The following LEPROT variants were observed in gnomAD, a reference collection of about 807,000 sequenced individuals.
LEPROT encodes the protein leptin receptor overlapping transcript, also known as leptin receptor gene-related protein.
Under a neutral mutation model 15.4 loss-of-function variants are expected in LEPROT, and 3 were observed. That is an observed-to-expected ratio of 0.19 (90% CI 0.09 to 0.50). LEPROT has a LOEUF of 0.50. LEPROT is among the 20% of genes least tolerant of loss of function. LEPROT has a pLI of 0.97. For missense variants in LEPROT, 137 were observed against 162.2 expected (o/e 0.84, Z 0.84); for synonymous variants, 59 against 57.5 (o/e 1.03, Z -0.12).
At chr1:65,421,350 G>C (rs1324547048) in intron 1 of LEPROT, 6 of 1,535,842 alleles carry the variant, frequency 3.9e-6, no homozygotes, top group Non-Finnish European at 5.2e-6. Flanking sequence ...TGTGTGTGTA[G>C]TATGTGTTTT....
At chr1:65,421,819 CATG>C (rs2101666216) in intron 1 of LEPROT, among the ~76,000 whole-genome samples, 1 of 152,212 alleles carries the variant, frequency 6.6e-6, no homozygotes, top group East Asian at 1.9e-4. Context: ...ACTACCAAAT[CATG>C]ATCACGTTTA....
intron 3 of LEPROT, 52 bp downstream of exon 3, chr1:65,430,100 AG>A (rs769276113): frequency 6.9e-7 from 1 of 1,447,854 alleles, no homozygotes; most frequent in East Asian, 2.4e-5. Flanking sequence ...TTTACTTCAG[AG>A]GCCTGTGTCT....
intron 1 of LEPROT, chr1:65,421,523 T>A: frequency 6.5e-7 from 1 of 1,527,656 alleles, no homozygotes; most frequent in South Asian, 1.2e-5. Flanking sequence ...TATATTGGCT[T>A]TTATATCATC....
At position 65,432,378 on chromosome 1, in the gene LEPROT, C is replaced by A; in HGVS notation, c.*459C>A. The A allele has an allele frequency of 2.1e-6, 2 of 948,754 alleles. No individual in the cohort carries two copies. Among genetic ancestry groups the A allele is most frequent in the Non-Finnish European group, 2.5e-6 (2 of 796,388 alleles). The allele number at this position is 948,754 out of a possible 1,614,324, so 58.8% of individuals were successfully genotyped here. A position where few individuals can be genotyped will look rare whatever the true frequency, so the allele number is the denominator to read the frequency against. On this transcript the variant is annotated 3_prime_UTR_variant, in exon 4 of 4. Coordinates refer to ENST00000371065, the MANE Select transcript of LEPROT (RefSeq NM_017526.5). ...CCAAGAGCCTCAACATTTCCTAGAG[C>A]CTTATTAGAAATGCAGAATCTGAAG...
chr1:65,425,427 A>G, intron 2 of LEPROT, 49 bp downstream of exon 2: 3 of 1,514,860 alleles, frequency 2.0e-6, no homozygotes, highest in Non-Finnish European at 2.7e-6. Flanking sequence ...TGTCTTTGTC[A>G]CTATTAGTAT....
chr1:65,434,210 A>G lies in LEPROT; in HGVS notation c.*2291A>G. ...GAGAGCTATTCTGCAGTGCCTAAATATCATTTAAACAGTAAATATTAATAG... is the reference window on the plus strand; with the variant it reads ...GAGAGCTATTCTGCAGTGCCTAAATGTCATTTAAACAGTAAATATTAATAG... On this transcript the variant is annotated 3_prime_UTR_variant, in exon 4 of 4. Transcript: ENST00000371065. 20 of 981,872 alleles carry G rather than the reference A, an allele frequency of 2.0e-5. No homozygotes were observed. The highest frequency in any genetic ancestry group is 2.4e-5 in the Non-Finnish European group (20 of 826,710). The allele number at this position is 981,872 out of a possible 1,614,324, so 60.8% of individuals were successfully genotyped here. A position where few individuals can be genotyped will look rare whatever the true frequency, so the allele number is the denominator to read the frequency against.
chr1:65,429,905 C>T lies in LEPROT; in HGVS notation c.136C>T (p.Pro46Ser). 1 of 1,538,510 alleles carries T rather than the reference C, an allele frequency of 6.5e-7. No homozygotes were observed. Among genetic ancestry groups the T allele is most frequent in the Non-Finnish European group, 8.9e-7 (1 of 1,127,648 alleles). ...LFVLIFHAIS[P>S]IPHFIAKRVT... ...CGTCCTGATTTTCCACGCCATCTCC[C>T]CCATCCCCCATTTCATTGCCAAAAG... Residue 46 changes from proline to serine, a missense_variant, in exon 3 of 4, where the codon CCC (proline) becomes TCC (serine). Coordinates refer to ENST00000371065, the MANE Select transcript of LEPROT (RefSeq NM_017526.5).
chr1:65,422,513 A>C (rs916193026), intron 1 of LEPROT, among the ~76,000 whole-genome samples: 4 of 152,218 alleles, frequency 2.6e-5, no homozygotes, highest in Non-Finnish European at 5.9e-5. Flanking sequence ...GGTACTTTGT[A>C]ACGGCAGCCC....
chr1:65,423,870 T>C (rs1159566935), intron 1 of LEPROT, among the ~76,000 whole-genome samples: 1 of 152,242 alleles, frequency 6.6e-6, no homozygotes, highest in Non-Finnish European at 1.5e-5. Flanking sequence ...TTTCTACCTT[T>C]ATCAAAGAAC....
chr1:65,434,894 G>A lies in LEPROT; in HGVS notation c.*2975G>A, dbSNP rs2100248182. On this transcript the variant is annotated 3_prime_UTR_variant, in exon 4 of 4. Transcript: ENST00000371065. ...GATGTCATGTGGTGCTGAGAAGAAA[G>A]CAGATCACACTTCATCACAGAAAGA... The A allele has an allele frequency of 1.0e-6, 1 of 985,438 alleles. No homozygotes were observed. Among genetic ancestry groups the A allele is most frequent in the Non-Finnish European group, 1.2e-6 (1 of 829,916 alleles). 61.0% of individuals were successfully genotyped at this position (985,438 alleles called of 1,614,324 possible).
chr1:65,424,103 T>C (rs934268035), intron 1 of LEPROT, among the ~76,000 whole-genome samples: 1 of 152,190 alleles, frequency 6.6e-6, no homozygotes, highest in African/African-American at 2.4e-5. Context: ...TGTTTGTGAC[T>C]CAGAGCTCAA....
At chr1:65,426,321 G>A (rs189032459) in intron 2 of LEPROT, among the ~76,000 whole-genome samples, 51 of 144,622 alleles carry the variant, frequency 3.5e-4, no homozygotes, top group African/African-American at 1.1e-3. Flanking sequence ...CAAAAGAAGG[G>A]TTAGTCAAGA....
intron 3 of LEPROT, chr1:65,430,392 T>C (rs1280803132): frequency 5.9e-6 from 1 of 168,522 alleles, no homozygotes; most frequent in Non-Finnish European, 1.3e-5. Flanking sequence ...GATGAAGATA[T>C]TTCAAATTCT....
At position 65,433,497 on chromosome 1, in the gene LEPROT, A is replaced by G; in HGVS notation, c.*1578A>G. On this transcript the variant is annotated 3_prime_UTR_variant, in exon 4 of 4. Transcript: ENST00000371065. ...CAACCAATAGTCTTTAAGCATTGTT[A>G]AAGTATGAAACTGAAATACATTCAA... 1.0e-6 allele frequency: 1 copy of G among 985,470 alleles called. No homozygotes were observed. The highest frequency in any genetic ancestry group is 1.2e-6 in the Non-Finnish European group (1 of 829,924). The allele number at this position is 985,470 out of a possible 1,614,324, so 61.0% of individuals were successfully genotyped here.
intron 3 of LEPROT, among the ~76,000 whole-genome samples, chr1:65,431,163 C>G (rs1183095569): frequency 1.3e-5 from 2 of 152,098 alleles, no homozygotes; most frequent in Admixed American, 6.5e-5. Flanking sequence ...TTTTCTTGTG[C>G]TTTAGACCAG....
chr1:65,430,681 C>T (rs1038513612), intron 3 of LEPROT, among the ~76,000 whole-genome samples: 3 of 151,624 alleles, frequency 2.0e-5, no homozygotes, highest in Non-Finnish European at 3.0e-5. Context: ...ATCAGATAAG[C>T]GCAAGTCTTG....
chr1:65,435,059 G>T lies in LEPROT; in HGVS notation c.*3140G>T, dbSNP rs1306278007. On this transcript the variant is annotated 3_prime_UTR_variant, in exon 4 of 4. Transcript: ENST00000371065. ...TGATTCTCATTCACAGAGAATGGGA[G>T]AACGGAATGAAGAAAGATTCCAGCA... 1.0e-6 allele frequency: 1 copy of T among 985,336 alleles called. No homozygotes were observed. Among genetic ancestry groups the T allele is most frequent in the African/African-American group, 1.7e-5 (1 of 57,240 alleles). 61.0% of individuals were successfully genotyped at this position (985,336 alleles called of 1,614,324 possible).
chr1:65,421,226 A>G, intron 1 of LEPROT: 1 of 1,295,126 alleles, frequency 7.7e-7, no homozygotes. Context: ...GCGGGTGTCA[A>G]TGGAAAGCAC....
Position 65,434,261 on chromosome 1 carries a change from A to G in LEPROT, c.*2342A>G. On this transcript the variant is annotated 3_prime_UTR_variant, in exon 4 of 4. Transcript: ENST00000371065. Reference sequence around the variant, plus strand: ...GAAATATTGCTATATCTGAATATATAATACAAAAGTTTGATCATGGTGACA... The same window carrying G: ...GAAATATTGCTATATCTGAATATATGATACAAAAGTTTGATCATGGTGACA... 1 of 981,790 alleles carries G rather than the reference A, an allele frequency of 1.0e-6. No homozygotes were observed. The highest frequency in any genetic ancestry group is 1.2e-6 in the Non-Finnish European group (1 of 826,592). 60.8% of individuals were successfully genotyped at this position (981,790 alleles called of 1,614,324 possible). A position where few individuals can be genotyped will look rare whatever the true frequency, so the allele number is the denominator to read the frequency against.
Sources: gnomAD v4.1 joint callset for allele counts (sites outside exome capture counted in the v4.1 genomes callset) on GRCh38, gnomAD v4.1.1 for gene constraint, MANE v1.5 for transcripts, NCBI Gene and HGNC (gene_info 2026-07-23, HGNC 2026-07-21) for gene names.